Variants in LRRTM4 observed in about 807,000 individuals in gnomAD.
LRRTM4 encodes the protein leucine rich repeat transmembrane neuronal 4.
In LRRTM4, 25 loss-of-function variants were observed where a neutral mutation model predicts 47.6. The ratio of observed to expected loss-of-function variants is 0.53; its 90% CI spans 0.38 to 0.73. The LOEUF (loss-of-function observed/expected upper bound fraction) is 0.73. LRRTM4 is among the 30% of genes least tolerant of loss of function. The probability of loss-of-function intolerance (pLI) is 0.00; values close to 1 mark genes in which losing one functional copy is unlikely to be tolerated. For synonymous variants in LRRTM4, 311 were observed against 269.5 expected, an observed-to-expected ratio of 1.15 and a Z score of -1.51; for missense variants, 638 against 713.4, an observed-to-expected ratio of 0.89 and a Z score of 1.20.
intron 3 of LRRTM4, among the ~76,000 whole-genome samples, chr2:76,849,180 G>C (rs756997940): frequency 2.0e-5 from 3 of 152,066 alleles, no homozygotes; most frequent in Non-Finnish European, 2.9e-5. Context: ...AGAGTAATGT[G>C]GGGGGTGACA....
At chr2:77,261,180 A>T (rs1310706655) in intron 3 of LRRTM4, among the ~76,000 whole-genome samples, 4 of 120,146 alleles carry the variant, frequency 3.3e-5, no homozygotes, top group Non-Finnish European at 6.0e-5. Flanking sequence ...GAGTAGTAAT[A>T]AAAAAAAAAG....
intron 3 of LRRTM4, among the ~76,000 whole-genome samples, chr2:76,777,561 G>T (rs1378357224): frequency 1.4e-5 from 2 of 140,796 alleles, no homozygotes; most frequent in African/African-American, 2.7e-5. Context: ...CTCTCTGTTT[G>T]TCTGTTGTTG....
intron 3 of LRRTM4, among the ~76,000 whole-genome samples, chr2:77,026,977 T>C (rs867674254): frequency 6.6e-5 from 10 of 152,106 alleles, no homozygotes; most frequent in Non-Finnish European, 1.0e-4. Context: ...CCCTTTCCCA[T>C]TAGAAATCTG....
chr2:76,950,004 A>G (rs17013417), intron 3 of LRRTM4, among the ~76,000 whole-genome samples: 3,579 of 152,016 alleles, frequency 0.024, 148 homozygotes, highest in African/African-American at 0.075. Flanking sequence ...GTAATAAGAC[A>G]ACAGTAAGAT....
chr2:77,183,107 T>C (rs1673395668), intron 3 of LRRTM4, among the ~76,000 whole-genome samples: 1 of 151,954 alleles, frequency 6.6e-6, no homozygotes, highest in Non-Finnish European at 1.5e-5. Flanking sequence ...ACTAAAGAGC[T>C]TCTGCACAGC....
chr2:77,451,520 T>A (rs1489738556), intron 3 of LRRTM4, among the ~76,000 whole-genome samples: 1 of 152,178 alleles, frequency 6.6e-6, no homozygotes, highest in African/African-American at 2.4e-5. Context: ...AACACTTCTG[T>A]GTGCTTGCTC....
At chr2:76,793,925 C>A (rs191207739) in intron 3 of LRRTM4, among the ~76,000 whole-genome samples, 1 of 152,198 alleles carries the variant, frequency 6.6e-6, no homozygotes, top group Admixed American at 6.5e-5. Flanking sequence ...TTCTATGGGA[C>A]ACAGAAAAGA....
chr2:77,420,967 A>G (rs989442444), intron 3 of LRRTM4, among the ~76,000 whole-genome samples: 29 of 150,126 alleles, frequency 1.9e-4, no homozygotes, highest in Middle Eastern at 3.4e-3. Flanking sequence ...TGAAAAAAAG[A>G]CAAGGCTCCT....
chr2:77,174,149 G>A (rs1573038224), intron 3 of LRRTM4, among the ~76,000 whole-genome samples: 2 of 152,106 alleles, frequency 1.3e-5, no homozygotes, highest in Middle Eastern at 6.8e-3. Flanking sequence ...TATCAATCCT[G>A]CCCGTGCACT....
chr2:77,305,292 T>C (rs908461185), intron 3 of LRRTM4, among the ~76,000 whole-genome samples: 28 of 152,200 alleles, frequency 1.8e-4, no homozygotes, highest in African/African-American at 6.0e-4. Flanking sequence ...CTATACGCTG[T>C]AATTTTTAAT....
intron 3 of LRRTM4, among the ~76,000 whole-genome samples, chr2:77,349,531 T>TA (rs539993493): frequency 9.2e-5 from 14 of 152,238 alleles, no homozygotes; most frequent in Admixed American, 6.5e-4. Flanking sequence ...AGGTAACTGT[T>TA]AGAGTTTTGT....
chr2:77,090,134 T>C (rs1179941545), intron 3 of LRRTM4, among the ~76,000 whole-genome samples: 2 of 151,996 alleles, frequency 1.3e-5, no homozygotes, highest in African/African-American at 4.8e-5. Flanking sequence ...TTTTATCACC[T>C]CCCCTCCTCA....
intron 3 of LRRTM4, among the ~76,000 whole-genome samples, chr2:77,190,291 C>CTTTTTT (rs143873795): frequency 1.9e-5 from 2 of 103,908 alleles, no homozygotes. Context: ...GCATTTTCAT[C>CTTTTTT]TTTTTTTTTT....
intron 3 of LRRTM4, among the ~76,000 whole-genome samples, chr2:77,156,042 TA>T (rs1312427448): frequency 6.6e-6 from 1 of 151,996 alleles, no homozygotes; most frequent in Non-Finnish European, 1.5e-5. Flanking sequence ...TAATTTATTT[TA>T]AAAAAATTAA....
Position 76,913,832 on chromosome 2 carries a change from C to T in LRRTM4, c.1552-164916G>A, listed in dbSNP as rs184577714. ...GGGATTACAGGCGTGAACCACCATGCCCAGCCGCTATTTCAATTATTCTTT... is the reference window on the plus strand; with the variant it reads ...GGGATTACAGGCGTGAACCACCATGTCCAGCCGCTATTTCAATTATTCTTT... On this transcript the variant is annotated intron_variant, in intron 3 of 3. Transcript: ENST00000409884. Among the ~76,000 whole-genome samples the T allele has an allele frequency of 3.0e-3, 460 of 152,026 alleles. 3 individuals carry two copies. The highest frequency in any genetic ancestry group is 0.01 in the African/African-American group (429 of 41,482).
At chr2:77,182,552 T>C (rs1558622357) in intron 3 of LRRTM4, among the ~76,000 whole-genome samples, 1 of 151,798 alleles carries the variant, frequency 6.6e-6, no homozygotes, top group Admixed American at 6.6e-5. Flanking sequence ...AAAGTAAAAT[T>C]AAAAAAAACA....
rs1405221101 is a variant in LRRTM4, at chr2:77,362,134, AAAGAAAGAAAG to A, written c.1551+156173_1551+156183del. ...GAAAGAGAGAAAGAAAGAAAGAAAG[AAAGAAAGAAAG>A]AAAGAAAGAAAGAAAGAAAGAAAGA... is the stretch of plus-strand genomic sequence containing the variant. On this transcript the variant is annotated intron_variant, in intron 3 of 3. Coordinates refer to ENST00000409884, the MANE Select transcript of LRRTM4 (RefSeq NM_001134745.3). Among the ~76,000 whole-genome samples the A allele has an allele frequency of 5.0e-3, 567 of 113,982 alleles. 1 individual carries two copies. Among genetic ancestry groups the A allele is most frequent in the Non-Finnish European group, 7.7e-3 (376 of 48,750 alleles). 74.8% of individuals were successfully genotyped at this position (113,982 alleles called of 152,430 possible).
At position 77,145,804 on chromosome 2, in the gene LRRTM4, T is replaced by TAAAATA. The variant is rs1182811426; in HGVS notation, c.1551+372508_1551+372513dup. On this transcript the variant is annotated intron_variant, in intron 3 of 3. Coordinates refer to ENST00000409884, the MANE Select transcript of LRRTM4 (RefSeq NM_001134745.3). ...ATAAATAAATAAATAAATAAATAAA[T>TAAAATA]AAAATAAAAATAAAAATTGTATATA... 8.7e-5 allele frequency among the ~76,000 whole-genome samples: 13 copies of TAAAATA among 149,574 alleles called. No individual in the cohort carries two copies. The East Asian group carries it at 2.6e-3, about 29-fold the overall frequency.
At chr2:76,906,270 A>G (rs1488454595) in intron 3 of LRRTM4, among the ~76,000 whole-genome samples, 1 of 152,160 alleles carries the variant, frequency 6.6e-6, no homozygotes, top group African/African-American at 2.4e-5. Context: ...AAGGAGAAAT[A>G]AAATACTTTA....
Sources: gnomAD v4.1 joint callset for allele counts (sites outside exome capture counted in the v4.1 genomes callset) on GRCh38, gnomAD v4.1.1 for gene constraint, MANE v1.5 for transcripts, NCBI Gene and HGNC (gene_info 2026-07-23, HGNC 2026-07-21) for gene names.